Variants in SDK1 observed in about 807,000 individuals in gnomAD.
The protein encoded by SDK1 is sidekick cell adhesion molecule 1, also known as protein sidekick-1.
Under a neutral mutation model 245.5 loss-of-function variants are expected in SDK1, and 157 were observed. That is an observed-to-expected ratio of 0.64 (90% CI 0.56 to 0.73). The LOEUF is 0.73. SDK1 is among the 30% of genes least tolerant of loss of function. SDK1 has a pLI of 0.00. For synonymous variants in SDK1, 1,647 were observed against 1,278.5 expected, an observed-to-expected ratio of 1.29 and a Z score of -6.15; for missense variants, 3,583 against 3,002.3, an observed-to-expected ratio of 1.19 and a Z score of -4.52.
chr7:3,936,537 A>G (rs1203563970), intron 5 of SDK1, among the ~76,000 whole-genome samples: 1 of 151,660 alleles, frequency 6.6e-6, no homozygotes, highest in Non-Finnish European at 1.5e-5. Context: ...ATGACCCTAG[A>G]TCACGCCACA....
chr7:3,773,141 TC>T (rs1474145637), intron 4 of SDK1, among the ~76,000 whole-genome samples: 11 of 152,328 alleles, frequency 7.2e-5, no homozygotes, highest in South Asian at 4.1e-4. Context: ...CTGTTCTTTC[TC>T]CCTCTCTTCT....
chr7:3,549,919 G>A (rs540905593), intron 1 of SDK1, among the ~76,000 whole-genome samples: 17 of 152,090 alleles, frequency 1.1e-4, no homozygotes, highest in Non-Finnish European at 1.6e-4. Context: ...CCATTTTGGT[G>A]CATGTGGCAT....
At chr7:3,477,897 G>A (rs1006377059) in intron 1 of SDK1, among the ~76,000 whole-genome samples, 4 of 152,018 alleles carry the variant, frequency 2.6e-5, no homozygotes, top group Non-Finnish European at 5.9e-5. Flanking sequence ...TGATTTGTTC[G>A]TTTCACAGGT....
chr7:3,373,325 G>C (rs1451860863), intron 1 of SDK1, among the ~76,000 whole-genome samples: 2 of 152,166 alleles, frequency 1.3e-5, no homozygotes, highest in Non-Finnish European at 2.9e-5. Flanking sequence ...GAACAGAATG[G>C]TTGTATGGGT....
chr7:3,448,516 C>T (rs548898182), intron 1 of SDK1, among the ~76,000 whole-genome samples: 18 of 151,956 alleles, frequency 1.2e-4, no homozygotes, highest in African/African-American at 4.3e-4. Flanking sequence ...ATTGATCTAT[C>T]TTTGTTTAGG....
intron 40 of SDK1, among the ~76,000 whole-genome samples, chr7:4,225,749 T>C (rs1785402541): frequency 6.6e-6 from 1 of 152,056 alleles, no homozygotes; most frequent in African/African-American, 2.4e-5. Context: ...GAGTCTGAGC[T>C]CAGCAGGGTT....
intron 5 of SDK1, among the ~76,000 whole-genome samples, chr7:3,896,959 C>G (rs1046068045): frequency 2.6e-5 from 4 of 152,162 alleles, no homozygotes; most frequent in African/African-American, 9.7e-5. Flanking sequence ...AAGTTACAAT[C>G]ATGGCAGAAG....
intron 1 of SDK1, among the ~76,000 whole-genome samples, chr7:3,594,918 C>T (rs1429051047): frequency 6.6e-6 from 1 of 152,142 alleles, no homozygotes; most frequent in Non-Finnish European, 1.5e-5. Flanking sequence ...GCTAAATCAT[C>T]ATTAATGTAT....
intron 1 of SDK1, among the ~76,000 whole-genome samples, chr7:3,429,360 G>A (rs1394335064): frequency 6.6e-6 from 1 of 152,148 alleles, no homozygotes; most frequent in Non-Finnish European, 1.5e-5. Flanking sequence ...GAACTTTTCT[G>A]AGATTATAGA....
intron 2 of SDK1, among the ~76,000 whole-genome samples, chr7:3,632,184 C>G (rs1782315333): frequency 6.6e-6 from 1 of 152,166 alleles, no homozygotes; most frequent in South Asian, 2.1e-4. Context: ...AATTAATGCT[C>G]ACAGTAGATT....
intron 4 of SDK1, among the ~76,000 whole-genome samples, chr7:3,804,792 C>T (rs1368724097): frequency 6.6e-6 from 1 of 152,122 alleles, no homozygotes; most frequent in East Asian, 1.9e-4. Flanking sequence ...TAGGTTCTCA[C>T]CTATTTCTGT....
At chr7:3,838,845 G>A (rs1780089101) in intron 5 of SDK1, among the ~76,000 whole-genome samples, 1 of 152,148 alleles carries the variant, frequency 6.6e-6, no homozygotes, top group South Asian at 2.1e-4. Flanking sequence ...ATATAACCAA[G>A]TCTCTATCAA....
intron 1 of SDK1, among the ~76,000 whole-genome samples, chr7:3,438,093 G>A (rs1171502423): frequency 6.6e-6 from 1 of 152,172 alleles, no homozygotes; most frequent in Non-Finnish European, 1.5e-5. Context: ...CCGCACCCCA[G>A]ATCTCTTGAC....
chr7:3,723,153 A>G (rs899729458), intron 4 of SDK1, among the ~76,000 whole-genome samples: 1 of 152,212 alleles, frequency 6.6e-6, no homozygotes, highest in Non-Finnish European at 1.5e-5. Flanking sequence ...GTGTTCTAAA[A>G]TAAAAGGCTT....
chr7:3,824,434 G>A (rs939010822), intron 5 of SDK1, among the ~76,000 whole-genome samples: 9 of 152,176 alleles, frequency 5.9e-5, no homozygotes, highest in Admixed American at 5.2e-4. Flanking sequence ...GAACACCATC[G>A]GGATGATCGG....
chr7:3,731,669 A>G (rs1423536694), intron 4 of SDK1, among the ~76,000 whole-genome samples: 1 of 152,216 alleles, frequency 6.6e-6, no homozygotes, highest in African/African-American at 2.4e-5. Flanking sequence ...ATAGAGCCCC[A>G]GGAATACAAA....
In SDK1 at chr7:3,884,771, C is replaced by A. The variant is rs114290605; in HGVS notation, c.847+63188C>A. Among the ~76,000 whole-genome samples the A allele has an allele frequency of 4.7e-3, 709 of 152,316 alleles. 6 individuals carry two copies. The highest frequency in any genetic ancestry group is 0.016 in the African/African-American group (672 of 41,564). ...GTGGTTAGATCTCTATAAATAGTTA[C>A]ATCTCTGGTGTGGCTCCTTCCAACT... On this transcript the variant is annotated intron_variant, in intron 5 of 44. Coordinates refer to ENST00000404826, the MANE Select transcript of SDK1 (RefSeq NM_152744.4).
intron 4 of SDK1, among the ~76,000 whole-genome samples, chr7:3,743,875 T>C (rs1479421092): frequency 6.6e-6 from 1 of 152,190 alleles, no homozygotes; most frequent in African/African-American, 2.4e-5. Flanking sequence ...CCCCCATGAA[T>C]GGATCATAAA....
chr7:4,184,088 G>C (rs1390789518), intron 35 of SDK1, among the ~76,000 whole-genome samples: 2 of 152,176 alleles, frequency 1.3e-5, no homozygotes, highest in Non-Finnish European at 2.9e-5. Context: ...TACCTGCATT[G>C]TAACAACCCT....
Sources: allele counts gnomAD v4.1 joint callset (sites outside exome capture counted in the v4.1 genomes callset), GRCh38; gene constraint gnomAD v4.1.1; transcripts MANE v1.5; gene names NCBI Gene and HGNC (gene_info 2026-07-23, HGNC 2026-07-21).